ASTN1: variants seen among roughly 807,000 people sequenced by gnomAD.
ASTN1 encodes the protein astrotactin 1, also known as astrotactin-1.
A neutral mutation model predicts 140.7 loss-of-function variants in ASTN1; 41 were observed. That is an observed-to-expected ratio of 0.29 (90% CI 0.23 to 0.38). The LOEUF (loss-of-function observed/expected upper bound fraction) is 0.38, where lower values mean the gene tolerates loss of function less well. Ranked by LOEUF, ASTN1 falls within the 10% of genes least tolerant of loss-of-function variation. The pLI is 1.00. For missense variants in ASTN1, 1,479 were observed against 1,678.8 expected, an observed-to-expected ratio of 0.88 and a Z score of 2.08; for synonymous variants, 640 against 652.2, an observed-to-expected ratio of 0.98 and a Z score of 0.29.
downstream of ASTN1, among the ~76,000 whole-genome samples, chr1:176,859,781 TC>T (rs2103003512): frequency 1.3e-5 from 2 of 152,268 alleles, no homozygotes; most frequent in East Asian, 3.9e-4. Flanking sequence ...CAAAACTCCG[TC>T]TCACAAACAA....
chr1:176,889,866 G>A (rs983033059), intron 17 of ASTN1, among the ~76,000 whole-genome samples: 4 of 152,138 alleles, frequency 2.6e-5, no homozygotes, highest in Admixed American at 2.0e-4. Context: ...ATGACTCACT[G>A]GACAACTCAG....
At chr1:177,043,612 G>A (rs890819336) in intron 2 of ASTN1, among the ~76,000 whole-genome samples, 3 of 152,222 alleles carry the variant, frequency 2.0e-5, no homozygotes, top group Admixed American at 6.5e-5. Flanking sequence ...CAAAACCCTG[G>A]GAGAACAATG....
At chr1:177,082,099 G>A (rs1304139048) in intron 1 of ASTN1, among the ~76,000 whole-genome samples, 26 of 152,166 alleles carry the variant, frequency 1.7e-4, no homozygotes, top group Admixed American at 1.7e-3. Flanking sequence ...TGTCAGATAG[G>A]AAAATTTAAA....
chr1:176,956,344 G>C (rs1380507417), intron 11 of ASTN1, among the ~76,000 whole-genome samples: 2 of 152,128 alleles, frequency 1.3e-5, no homozygotes, highest in Non-Finnish European at 2.9e-5. Flanking sequence ...GTCTGGGGAG[G>C]CCTTAGGGCT....
chr1:177,008,465 G>GAGAGAGGGAGAGGA (rs1675107163), intron 8 of ASTN1, among the ~76,000 whole-genome samples: 3 of 143,572 alleles, frequency 2.1e-5, no homozygotes, highest in Non-Finnish European at 4.6e-5. Context: ...GAGAGGAAGA[G>GAGAGAGGGAGAGGA]AGAGAGAGAG....
chr1:176,875,852 A>G (rs894797303), intron 21 of ASTN1, among the ~76,000 whole-genome samples: 1 of 152,228 alleles, frequency 6.6e-6, no homozygotes, highest in African/African-American at 2.4e-5. Flanking sequence ...GACCAGGATG[A>G]TTAAAATTCT....
chr1:177,029,004 A>G (rs1304495526), intron 5 of ASTN1, among the ~76,000 whole-genome samples: 2 of 152,202 alleles, frequency 1.3e-5, no homozygotes, highest in African/African-American at 2.4e-5. Flanking sequence ...AGTTGAAGCC[A>G]CTGATCATGA....
At position 177,015,608 on chromosome 1, in the gene ASTN1, A is replaced by G. The variant is rs1384740099; in HGVS notation, c.1439-733T>C. Reference sequence around the variant, plus strand: ...CCACATTTATTTAGGATATCACTACATTTCATTATAATTTGTTATTCCATT... The same window carrying G: ...CCACATTTATTTAGGATATCACTACGTTTCATTATAATTTGTTATTCCATT... On this transcript the variant is annotated intron_variant, in intron 7 of 22. Transcript: ENST00000361833. 2.6e-5 allele frequency among the ~76,000 whole-genome samples: 4 copies of G among 152,292 alleles called. No homozygotes were observed. The East Asian group carries it at 7.7e-4, about 29-fold the overall frequency.
At chr1:176,985,343 T>G (rs1673837590) in intron 8 of ASTN1, among the ~76,000 whole-genome samples, 2 of 152,034 alleles carry the variant, frequency 1.3e-5, no homozygotes, top group Admixed American at 1.3e-4. Flanking sequence ...CCACTGCCCA[T>G]GCATTGACAC....
chr1:177,032,588 CA>C lies in ASTN1; in HGVS notation c.732del (p.Tyr244Ter). ...AGATGGTGGCGCAGATCAGTGATGT[CA>C]TACTCATAGCCGTCCAGGATAGGTG... is the stretch of plus-strand genomic sequence containing the variant. ...RETPILDGYE[Y>X]DITDLRHHLQ... On this transcript the variant is annotated frameshift_variant, in exon 3 of 23. Coordinates refer to ENST00000361833, the MANE Select transcript of ASTN1 (RefSeq NM_004319.3). LOFTEE classifies it high-confidence loss of function. 6.2e-7 allele frequency: 1 copy of C among 1,614,220 alleles called. No individual in the cohort carries two copies. The highest frequency in any genetic ancestry group is 8.5e-7 in the Non-Finnish European group (1 of 1,180,040).
chr1:177,156,226 C>T (rs1683227508), intron 1 of ASTN1, among the ~76,000 whole-genome samples: 1 of 150,568 alleles, frequency 6.6e-6, no homozygotes, highest in South Asian at 2.1e-4. Flanking sequence ...GCAGAGATTG[C>T]ACCACTGCAC....
At chr1:177,072,350 G>C (rs1388573156) in intron 1 of ASTN1, among the ~76,000 whole-genome samples, 1 of 152,134 alleles carries the variant, frequency 6.6e-6, no homozygotes, top group African/African-American at 2.4e-5. Context: ...CTCTCCTGAA[G>C]AATCACATCT....
intron 21 of ASTN1, among the ~76,000 whole-genome samples, chr1:176,870,828 T>A (rs1462614907): frequency 6.6e-6 from 1 of 152,208 alleles, no homozygotes; most frequent in African/African-American, 2.4e-5. Context: ...ATCTATGGTA[T>A]CTCCAGTTGT....
At chr1:176,932,755 A>G (rs1264583021) in intron 16 of ASTN1, among the ~76,000 whole-genome samples, 2 of 152,230 alleles carry the variant, frequency 1.3e-5, no homozygotes, top group Admixed American at 6.5e-5. Context: ...CCTTAAGGAC[A>G]CTGCATTGCT....
At chr1:177,078,609 A>G (rs1679033945) in intron 1 of ASTN1, among the ~76,000 whole-genome samples, 1 of 152,160 alleles carries the variant, frequency 6.6e-6, no homozygotes, top group Non-Finnish European at 1.5e-5. Flanking sequence ...AGACAATGAG[A>G]GAGTAAACTA....
intron 8 of ASTN1, among the ~76,000 whole-genome samples, chr1:177,004,019 G>C (rs980884820): frequency 6.6e-6 from 1 of 151,888 alleles, no homozygotes; most frequent in Non-Finnish European, 1.5e-5. Flanking sequence ...AAATTAATTG[G>C]AAAAAAAGAA....
intron 7 of ASTN1, 115 bp from the exon 8 acceptor site, chr1:177,014,990 A>C: frequency 2.2e-6 from 2 of 904,000 alleles, no homozygotes; most frequent in Non-Finnish European, 3.5e-6. Context: ...TGATATTAGC[A>C]TGAATGAGAC....
intron 8 of ASTN1, among the ~76,000 whole-genome samples, chr1:176,996,164 C>T (rs1674428721): frequency 6.6e-6 from 1 of 151,912 alleles, no homozygotes; most frequent in Admixed American, 6.6e-5. Flanking sequence ...TCACAATAGC[C>T]ACAGAGCTTC....
intron 1 of ASTN1, among the ~76,000 whole-genome samples, chr1:177,116,765 T>C (rs1571807511): frequency 6.6e-6 from 1 of 152,198 alleles, no homozygotes; most frequent in Admixed American, 6.6e-5. Context: ...CAGAACACTC[T>C]GTTCCTTTGA....
Sources: gnomAD v4.1 joint callset for allele counts (sites outside exome capture counted in the v4.1 genomes callset) on GRCh38, gnomAD v4.1.1 for gene constraint, MANE v1.5 for transcripts, NCBI Gene and HGNC (gene_info 2026-07-23, HGNC 2026-07-21) for gene names.